Variants in DNAH7 observed in about 807,000 individuals in gnomAD.
The protein encoded by DNAH7 is axonemal beta dynein heavy chain 7.
In DNAH7, 397 loss-of-function variants were observed where a neutral mutation model predicts 444.6. That is an observed-to-expected ratio of 0.89 (90% confidence interval 0.82 to 0.97). The LOEUF (loss-of-function observed/expected upper bound fraction) is 0.97. Among genes scored for constraint, DNAH7 ranks in the 50% least tolerant of loss-of-function variants. The pLI, the probability that DNAH7 is intolerant of heterozygous loss-of-function variation, is 0.00. For synonymous variants in DNAH7, 1,636 were observed against 1,624.4 expected (o/e 1.01, Z -0.17); for missense variants, 4,902 against 4,800.8 (o/e 1.02, Z -0.62).
Position 195,740,634 on chromosome 2 carries a change from TATATATATATACATATACACAC to T in DNAH7, c.11868+110_11868+131del, listed in dbSNP as rs1559062264. On this transcript the variant is annotated intron_variant, in intron 64 of 64. Transcript: ENST00000312428. Reference sequence around the variant, plus strand: ...GTGTGTGTATATATATATATATATATATATATATATACATATACACACACACATATGTATACACATATATACA... The same window carrying T: ...GTGTGTGTATATATATATATATATATACACATATGTATACACATATATACA... 1.7e-4 allele frequency: 17 copies of T among 100,722 alleles called. 1 individual carries two copies. The highest frequency in any genetic ancestry group is 5.0e-4 in the African/African-American group (8 of 16,148). The allele number at this position is 100,722 out of a possible 1,614,324, so 6.2% of individuals were successfully genotyped here.
At chr2:196,044,189 T>TTATA (rs751074950) in intron 5 of DNAH7, among the ~76,000 whole-genome samples, 2 of 143,676 alleles carry the variant, frequency 1.4e-5, no homozygotes, top group African/African-American at 2.8e-5. Context: ...AAAAAAATGT[T>TTATA]TATATATATA....
At chr2:196,060,831 G>A (rs527926320) in intron 1 of DNAH7, among the ~76,000 whole-genome samples, 14 of 152,260 alleles carry the variant, frequency 9.2e-5, no homozygotes, top group African/African-American at 3.1e-4. Flanking sequence ...TTTTGACACA[G>A]TTGATCACTG....
chr2:195,963,952 T>C (rs952446392), intron 17 of DNAH7, among the ~76,000 whole-genome samples: 1 of 152,242 alleles, frequency 6.6e-6, no homozygotes, highest in Non-Finnish European at 1.5e-5. Context: ...CTCTCCATTC[T>C]GTTCCATTGG....
intron 12 of DNAH7, among the ~76,000 whole-genome samples, chr2:195,997,348 C>A (rs1048274753): frequency 6.6e-6 from 1 of 152,078 alleles, no homozygotes; most frequent in Admixed American, 6.6e-5. Context: ...CCCGTCTCTA[C>A]TAAAAATACA....
chr2:196,007,902 G>A (rs1288057273), intron 10 of DNAH7, among the ~76,000 whole-genome samples: 1 of 151,876 alleles, frequency 6.6e-6, no homozygotes, highest in East Asian at 1.9e-4. Flanking sequence ...ATACCAAAAG[G>A]CACAAACAAC....
At position 195,988,032 on chromosome 2, in the gene DNAH7, A is replaced by C. The variant is rs1390646631; in HGVS notation, c.1551T>G (p.His517Gln). The C allele has an allele frequency of 6.2e-7, 1 of 1,613,222 alleles. No homozygotes were observed. Among genetic ancestry groups the C allele is most frequent in the African/African-American group, 1.3e-5 (1 of 74,890 alleles). ...RDVDNFLAEN[H>Q]SYEKIIDEIC... The stretch of plus-strand genomic sequence containing the variant: ...TTTCATCTATTATTTTTTCATAACT[A>C]TGATTTTCTGCGAGGAAGTTATCAA... The change falls in exon 13 of 65, where the codon CAT becomes CAG. Residue 517 changes from histidine to glutamine, a missense_variant. Transcript: ENST00000312428.
chr2:196,052,576 G>A (rs1020100080), intron 2 of DNAH7, among the ~76,000 whole-genome samples: 2 of 152,118 alleles, frequency 1.3e-5, no homozygotes, highest in African/African-American at 2.4e-5. Context: ...TATTCTATAC[G>A]CTGTGGGGTA....
At chr2:195,937,778 T>C (rs938185075) in intron 19 of DNAH7, among the ~76,000 whole-genome samples, 3 of 152,092 alleles carry the variant, frequency 2.0e-5, no homozygotes, top group Non-Finnish European at 4.4e-5. Flanking sequence ...ACTGACATCA[T>C]TGACAATGTA....
At chr2:195,819,143 G>C (rs1697352241) in intron 49 of DNAH7, among the ~76,000 whole-genome samples, 1 of 151,942 alleles carries the variant, frequency 6.6e-6, no homozygotes, top group Admixed American at 6.6e-5. Context: ...CTATTCATCT[G>C]TCAGTGTGCA....
chr2:195,760,101 A>G (rs1694279759), intron 61 of DNAH7, among the ~76,000 whole-genome samples: 1 of 152,242 alleles, frequency 6.6e-6, no homozygotes, highest in Non-Finnish European at 1.5e-5. Context: ...GCCTTGAGTA[A>G]GATCAGCAGT....
intron 21 of DNAH7, among the ~76,000 whole-genome samples, chr2:195,930,655 C>T (rs1688630872): frequency 6.6e-6 from 1 of 152,150 alleles, no homozygotes; most frequent in South Asian, 2.1e-4. Flanking sequence ...TACCGTTCAA[C>T]CCAGCAACCC....
intron 47 of DNAH7, among the ~76,000 whole-genome samples, chr2:195,835,339 G>C (rs1434204567): frequency 6.9e-6 from 1 of 144,508 alleles, no homozygotes; most frequent in Non-Finnish European, 1.5e-5. Flanking sequence ...ATTCATTTAG[G>C]TCATTAGAAG....
intron 39 of DNAH7, among the ~76,000 whole-genome samples, 159 bp downstream of exon 39, chr2:195,873,409 C>T (rs1221051964): frequency 6.6e-6 from 1 of 152,144 alleles, no homozygotes; most frequent in African/African-American, 2.4e-5. Flanking sequence ...TATGCTCCCA[C>T]ACTGGGAGGT....
At chr2:195,970,572 A>G (rs1048508590) in intron 16 of DNAH7, among the ~76,000 whole-genome samples, 1 of 152,180 alleles carries the variant, frequency 6.6e-6, no homozygotes, top group East Asian at 1.9e-4. Context: ...AAGATATTCC[A>G]AGGTTATTTT....
intron 58 of DNAH7, among the ~76,000 whole-genome samples, chr2:195,780,450 A>G (rs186173666): frequency 6.6e-6 from 1 of 152,128 alleles, no homozygotes; most frequent in African/African-American, 2.4e-5. Flanking sequence ...AGCAATATTT[A>G]AAAATATTTT....
At chr2:196,066,654 C>T (rs1698445236) in intron 1 of DNAH7, among the ~76,000 whole-genome samples, 1 of 152,192 alleles carries the variant, frequency 6.6e-6, no homozygotes, top group Admixed American at 6.5e-5. Flanking sequence ...TACATTTCTT[C>T]TAAATGCCTA....
intron 24 of DNAH7, among the ~76,000 whole-genome samples, chr2:195,918,418 CT>C (rs1287236898): frequency 6.6e-6 from 1 of 152,174 alleles, no homozygotes. Flanking sequence ...AATCATGCTC[CT>C]AGTTATTTAC....
Position 195,894,989 on chromosome 2 carries a change from T to A in DNAH7, c.4883A>T (p.Asp1628Val). 6.2e-7 allele frequency: 1 copy of A among 1,605,196 alleles called. No individual in the cohort carries two copies. Reference sequence around the variant, plus strand: ...TAATATACTTGCCTTTTCACATATATCATTTAGTGCTCCAGCTAAGACACG... The same window carrying A: ...TAATATACTTGCCTTTTCACATATAACATTTAGTGCTCCAGCTAAGACACG... Reference protein sequence around the residue: ...AYRVLAGALNDICEKGLMEEN... With the variant: ...AYRVLAGALNVICEKGLMEEN... The change falls in exon 30 of 65, where the codon GAT becomes GTT. Residue 1628 changes from aspartate to valine, a missense_variant. Transcript: ENST00000312428.
At chr2:196,005,781 C>T (rs1418406270) in intron 10 of DNAH7, among the ~76,000 whole-genome samples, 2 of 151,942 alleles carry the variant, frequency 1.3e-5, no homozygotes, top group Non-Finnish European at 2.9e-5. Context: ...GTAGTTCTAA[C>T]AAGAATTTAA....
Sources: allele counts gnomAD v4.1 joint callset (sites outside exome capture counted in the v4.1 genomes callset), GRCh38; gene constraint gnomAD v4.1.1; transcripts MANE v1.5; gene names NCBI Gene and HGNC (gene_info 2026-07-23, HGNC 2026-07-21).